Variants in PTPRZ1 observed in about 807,000 individuals in gnomAD.
PTPRZ1 encodes protein tyrosine phosphatase receptor type Z1.
In PTPRZ1, 82 loss-of-function variants were observed where a neutral mutation model predicts 214.1. The ratio of observed to expected loss-of-function variants is 0.38; its 90% confidence interval spans 0.32 to 0.46. The LOEUF (loss-of-function observed/expected upper bound fraction) is 0.46. Ranked by LOEUF, PTPRZ1 falls within the 20% of genes least tolerant of loss-of-function variation. The pLI is 1.00. For synonymous variants in PTPRZ1, 945 were observed against 987.9 expected, an observed-to-expected ratio of 0.96 and a Z score of 0.81; for missense variants, 2,603 against 2,748.7, an observed-to-expected ratio of 0.95 and a Z score of 1.19.
At chr7:121,981,317 G>C (rs1797606293) in intron 6 of PTPRZ1, among the ~76,000 whole-genome samples, 1 of 152,068 alleles carries the variant, frequency 6.6e-6, no homozygotes, top group Non-Finnish European at 1.5e-5. Context: ...TCTAGCGTGG[G>C]GCCTGAGGCA....
At chr7:121,993,524 G>A (rs1451503255) in intron 8 of PTPRZ1, among the ~76,000 whole-genome samples, 5 of 143,970 alleles carry the variant, frequency 3.5e-5, no homozygotes, top group African/African-American at 1.3e-4. Flanking sequence ...GCAGTAAGGC[G>A]AGATTGTGGC....
At chr7:121,945,616 C>A (rs1450198130) in intron 2 of PTPRZ1, among the ~76,000 whole-genome samples, 1 of 152,148 alleles carries the variant, frequency 6.6e-6, no homozygotes, top group Non-Finnish European at 1.5e-5. Context: ...TGAGCTAGTT[C>A]ATGTGGGGAA....
At chr7:121,878,641 T>C (rs907938177) in intron 1 of PTPRZ1, among the ~76,000 whole-genome samples, 26 of 152,286 alleles carry the variant, frequency 1.7e-4, no homozygotes, top group South Asian at 6.2e-4. Context: ...CCATAGTACA[T>C]TTTCCATAAT....
intron 27 of PTPRZ1, 113 bp downstream of exon 27, chr7:122,055,200 G>A: frequency 1.2e-6 from 1 of 861,114 alleles, no homozygotes; most frequent in South Asian, 3.2e-5. Flanking sequence ...TTTCCCCATT[G>A]AGACAAATAC....
In PTPRZ1 at chr7:122,013,641, C is replaced by T. The variant is rs1161246929; in HGVS notation, c.4595C>T (p.Pro1532Leu). The T allele has an allele frequency of 6.2e-7, 1 of 1,614,096 alleles. No individual in the cohort carries two copies. The highest frequency in any genetic ancestry group is 8.5e-7 in the Non-Finnish European group (1 of 1,180,040). ...NDIQTGSALL[P>L]LSPESKAWAV... ...ATTCAGACTGGTAGTGCTCTGCTTC[C>T]TCTCAGCCCTGAATCTAAAGCATGG... Residue 1532 changes from proline (P) to leucine (L), a missense_variant, in exon 12 of 30, where the codon CCT (proline) becomes CTT (leucine). Transcript: ENST00000393386.
chr7:121,896,783 A>T (rs1794798019), intron 1 of PTPRZ1, among the ~76,000 whole-genome samples: 1 of 152,084 alleles, frequency 6.6e-6, no homozygotes, highest in Non-Finnish European at 1.5e-5. Flanking sequence ...AAATAAAAAA[A>T]AAAAAAGAAA....
chr7:122,036,259 TA>T (rs1799530368), intron 17 of PTPRZ1, among the ~76,000 whole-genome samples: 1 of 152,184 alleles, frequency 6.6e-6, no homozygotes, highest in African/African-American at 2.4e-5. Flanking sequence ...AAATTCCATT[TA>T]AAAGACCAAC....
At chr7:121,945,684 C>A (rs1050334322) in intron 2 of PTPRZ1, among the ~76,000 whole-genome samples, 9 of 152,080 alleles carry the variant, frequency 5.9e-5, no homozygotes, top group African/African-American at 2.2e-4. Context: ...ACCAGTCATA[C>A]CTACTTCTCC....
intron 15 of PTPRZ1, chr7:122,033,821 A>T: frequency 2.3e-6 from 1 of 443,634 alleles, no homozygotes; most frequent in Non-Finnish European, 4.0e-6. Flanking sequence ...GGTTCCTCTC[A>T]TCTGCATTTT....
At chr7:121,873,802 C>T (rs1793963644) in intron 1 of PTPRZ1, among the ~76,000 whole-genome samples, 1 of 152,186 alleles carries the variant, frequency 6.6e-6, no homozygotes, top group African/African-American at 2.4e-5. Context: ...GTGCCCCGGG[C>T]CCCAGGAGAC....
At chr7:122,039,973 C>T (rs988840600) in intron 20 of PTPRZ1, among the ~76,000 whole-genome samples, 1 of 150,072 alleles carries the variant, frequency 6.7e-6, no homozygotes, top group Non-Finnish European at 1.5e-5. Context: ...CAGAGTGAGA[C>T]TCTGTCAAAA....
intron 19 of PTPRZ1, among the ~76,000 whole-genome samples, 192 bp from the exon 20 acceptor site, chr7:122,039,262 C>G (rs1799641036): frequency 6.6e-6 from 1 of 152,132 alleles, no homozygotes; most frequent in Admixed American, 6.5e-5. Flanking sequence ...TCATCTCAGT[C>G]TCGTTCAGCT....
chr7:121,974,772 G>C (rs1457223716), intron 4 of PTPRZ1, among the ~76,000 whole-genome samples: 1 of 152,090 alleles, frequency 6.6e-6, no homozygotes, highest in East Asian at 1.9e-4. Context: ...ACAGGCATCA[G>C]CCACCATGCC....
At chr7:121,971,549 C>T (rs956765150) in intron 3 of PTPRZ1, among the ~76,000 whole-genome samples, 1 of 152,188 alleles carries the variant, frequency 6.6e-6, no homozygotes, top group Non-Finnish European at 1.5e-5. Flanking sequence ...AGTGGGGAAC[C>T]TTTGAGCAAC....
intron 2 of PTPRZ1, among the ~76,000 whole-genome samples, chr7:121,943,569 A>ACCTCGTGATCCTCCCG (rs996705105): frequency 6.6e-6 from 1 of 151,970 alleles, no homozygotes; most frequent in Admixed American, 6.6e-5. Flanking sequence ...CGATCTCCTG[A>ACCTCGTGATCCTCCCG]CCTCGTGATC....
At chr7:121,885,563 A>G (rs1272347089) in intron 1 of PTPRZ1, among the ~76,000 whole-genome samples, 2 of 152,300 alleles carry the variant, frequency 1.3e-5, no homozygotes, top group East Asian at 3.9e-4. Flanking sequence ...CTGTGAGTCC[A>G]GCTTATTTTC....
intron 3 of PTPRZ1, among the ~76,000 whole-genome samples, chr7:121,971,149 T>A (rs1797232682): frequency 6.6e-6 from 1 of 152,166 alleles, no homozygotes; most frequent in Non-Finnish European, 1.5e-5. Flanking sequence ...TCTGTTCTGT[T>A]CCATTGGTCT....
In PTPRZ1 at chr7:121,929,082, C is replaced by T. The variant is rs563841197; in HGVS notation, c.124+861C>T. On this transcript the variant is annotated intron_variant, in intron 2 of 29. Coordinates refer to ENST00000393386, the MANE Select transcript of PTPRZ1 (RefSeq NM_002851.3). ...TTGTAGATAAGGATGTATTTTCTTTCTTCTTTTTAATTGCTATTTTAAAAG... is the reference window on the plus strand; with the variant it reads ...TTGTAGATAAGGATGTATTTTCTTTTTTCTTTTTAATTGCTATTTTAAAAG... Among the ~76,000 whole-genome samples, 190 of 152,228 alleles carry T rather than the reference C, an allele frequency of 1.2e-3. 1 individual carries two copies. Among genetic ancestry groups the T allele is most frequent in the Non-Finnish European group, 2.4e-3 (163 of 67,990 alleles).
At chr7:121,920,322 A>G (rs541417702) in intron 1 of PTPRZ1, among the ~76,000 whole-genome samples, 1 of 152,324 alleles carries the variant, frequency 6.6e-6, no homozygotes, top group African/African-American at 2.4e-5. Context: ...TTATGGTAAG[A>G]TAAGTTAGTA....
Sources: gnomAD v4.1 joint callset for allele counts (sites outside exome capture counted in the v4.1 genomes callset) on GRCh38, gnomAD v4.1.1 for gene constraint, MANE v1.5 for transcripts, NCBI Gene and HGNC (gene_info 2026-07-23, HGNC 2026-07-21) for gene names.